Variants in RIMBP2 observed in about 807,000 individuals in gnomAD.
RIMBP2 encodes the protein RIMS-binding protein 2.
A neutral mutation model predicts 118.6 loss-of-function variants in RIMBP2; 48 were observed. That is an observed-to-expected ratio of 0.40 (90% CI 0.32 to 0.51). RIMBP2 has a LOEUF of 0.51. Among genes scored for constraint, RIMBP2 ranks in the 20% least tolerant of loss-of-function variants. The pLI, the probability that RIMBP2 is intolerant of heterozygous loss-of-function variation, is 0.41. For missense variants in RIMBP2, 1,551 were observed against 1,768.3 expected (o/e 0.88, Z 2.20); for synonymous variants, 762 against 742.9 (o/e 1.03, Z -0.42).
At position 130,424,136 on chromosome 12, in the gene RIMBP2, A is replaced by G. The variant is rs1291397344; in HGVS notation, c.3129+6T>C. Reference sequence around the variant, plus strand: ...CGGCTGTGAAAAGGAAGTTTAGGTCACACACCAGGGGGCCTTGTGCGACTC... The same window carrying G: ...CGGCTGTGAAAAGGAAGTTTAGGTCGCACACCAGGGGGCCTTGTGCGACTC... On this transcript the variant is annotated splice_donor_region_variant and intron_variant, in intron 16 of 22. Transcript: ENST00000690449. The surrounding 1 kb of genome is among the most constrained non-coding windows in gnomAD (Gnocchi z 9.8). 1.6e-5 allele frequency: 20 copies of G among 1,224,476 alleles called. No homozygotes were observed. Among genetic ancestry groups the G allele is most frequent in the Non-Finnish European group, 2.0e-5 (20 of 980,920 alleles). 75.9% of individuals were successfully genotyped at this position (1,224,476 alleles called of 1,614,324 possible). A position where few individuals can be genotyped will look rare whatever the true frequency, so the allele number is the denominator to read the frequency against.
At chr12:130,556,595 A>T (rs2056378338) in intron 2 of RIMBP2, among the ~76,000 whole-genome samples, 1 of 152,250 alleles carries the variant, frequency 6.6e-6, no homozygotes, top group Non-Finnish European at 1.5e-5. Context: ...CCACATGGGG[A>T]GACCCAGGCC....
At chr12:130,509,663 C>A (rs1248679044) in intron 3 of RIMBP2, among the ~76,000 whole-genome samples, 1 of 152,124 alleles carries the variant, frequency 6.6e-6, no homozygotes, top group Admixed American at 6.5e-5. Context: ...GTGGCCATGG[C>A]CCCCGGCCTC....
intron 3 of RIMBP2, among the ~76,000 whole-genome samples, chr12:130,510,706 T>A (rs1321894043): frequency 1.3e-5 from 2 of 152,220 alleles, no homozygotes; most frequent in African/African-American, 4.8e-5. Context: ...TGACCTCAAG[T>A]GATCTGCCCA....
intron 1 of RIMBP2, among the ~76,000 whole-genome samples, chr12:130,664,639 G>A (rs1038133329): frequency 6.6e-6 from 1 of 151,588 alleles, no homozygotes; most frequent in Non-Finnish European, 1.5e-5. Context: ...TAACTCTACA[G>A]CTATGTCAGA....
At chr12:130,646,635 G>T (rs976725201) in intron 1 of RIMBP2, among the ~76,000 whole-genome samples, 5 of 152,194 alleles carry the variant, frequency 3.3e-5, no homozygotes, top group African/African-American at 1.2e-4. Flanking sequence ...GAGGTATAGG[G>T]AGCTTCAAAT....
At chr12:130,569,507 G>A (rs189903257) in intron 2 of RIMBP2, among the ~76,000 whole-genome samples, 2 of 152,180 alleles carry the variant, frequency 1.3e-5, no homozygotes, top group Non-Finnish European at 2.9e-5. Context: ...ACTGACATGC[G>A]CTATGGTTTG....
chr12:130,457,658 A>G (rs113166077), intron 6 of RIMBP2, among the ~76,000 whole-genome samples: 7 of 152,320 alleles, frequency 4.6e-5, no homozygotes, highest in African/African-American at 1.7e-4. Flanking sequence ...CCGGCACTGC[A>G]GTAGCTCCTG....
At chr12:130,479,199 C>T (rs1006629169) in intron 4 of RIMBP2, among the ~76,000 whole-genome samples, 183 bp from the exon 5 acceptor site, 1 of 152,236 alleles carries the variant, frequency 6.6e-6, no homozygotes, top group African/African-American at 2.4e-5. Flanking sequence ...ACTCCCAATG[C>T]GGGAGCTATG....
intron 1 of RIMBP2, chr12:130,651,386 A>C (rs1169427894): frequency 6.6e-6 from 1 of 152,260 alleles, no homozygotes; most frequent in Admixed American, 6.5e-5. Flanking sequence ...GGCTGTCAAC[A>C]TCTCGGAGTT....
intron 4 of RIMBP2, 77 bp from the exon 5 acceptor site, chr12:130,479,093 C>G: frequency 8.4e-7 from 1 of 1,187,792 alleles, no homozygotes; most frequent in South Asian, 1.5e-5. Context: ...CTGCACCAAG[C>G]TGGCTCTGAC....
chr12:130,613,358 C>T (rs1201330397), intron 2 of RIMBP2, among the ~76,000 whole-genome samples: 5 of 152,160 alleles, frequency 3.3e-5, no homozygotes, highest in Admixed American at 1.3e-4. Flanking sequence ...GCGACCTCAT[C>T]GGCCAAGCCA....
chr12:130,686,347 C>T (rs1189252383), intron 1 of RIMBP2, among the ~76,000 whole-genome samples: 1 of 152,180 alleles, frequency 6.6e-6, no homozygotes, highest in East Asian at 1.9e-4. Flanking sequence ...CAGCACAGAC[C>T]CCGCGCCCCC....
At chr12:130,644,788 C>T (rs576650387) in intron 1 of RIMBP2, among the ~76,000 whole-genome samples, 10 of 152,336 alleles carry the variant, frequency 6.6e-5, no homozygotes, top group South Asian at 4.1e-4. Context: ...AATCATCCTC[C>T]GGCCTGAGAA....
intron 2 of RIMBP2, among the ~76,000 whole-genome samples, chr12:130,563,068 ACG>A (rs956772946): frequency 8.5e-5 from 13 of 152,356 alleles, no homozygotes; most frequent in African/African-American, 3.1e-4. Context: ...AAACGCATTC[ACG>A]CTGCATAAAA....
At chr12:130,399,582 T>C (rs938855041) in intron 22 of RIMBP2, 97 bp downstream of exon 22, 59 of 1,426,016 alleles carry the variant, frequency 4.1e-5, no homozygotes, top group Non-Finnish European at 5.2e-5. Context: ...ATTTACGCTT[T>C]TCGGCCCAAG....
intron 4 of RIMBP2, among the ~76,000 whole-genome samples, chr12:130,489,014 C>T (rs979293495): frequency 2.0e-5 from 3 of 152,202 alleles, no homozygotes; most frequent in Admixed American, 6.5e-5. Flanking sequence ...ACAGAATTCA[C>T]GGCTAGCATG....
intron 1 of RIMBP2, among the ~76,000 whole-genome samples, chr12:130,634,882 A>T (rs2062250763): frequency 6.6e-6 from 1 of 152,282 alleles, no homozygotes; most frequent in Admixed American, 6.5e-5. Context: ...TACAGGCCTG[A>T]GCCACCACAC....
rs756510070 is a variant in RIMBP2, at chr12:130,669,744, G to A, written c.-351-41288C>T. On this transcript the variant is annotated intron_variant, in intron 1 of 22. Coordinates refer to ENST00000690449, the MANE Select transcript of RIMBP2 (RefSeq NM_001393629.1). ...ACGGACGAACACACTAGGAATGCAGGAGCTCTTTCCTAGTGCCTGTGGTCA... is the reference window on the plus strand; with the variant it reads ...ACGGACGAACACACTAGGAATGCAGAAGCTCTTTCCTAGTGCCTGTGGTCA... 5.7e-4 allele frequency among the ~76,000 whole-genome samples: 86 copies of A among 152,130 alleles called. 1 individual carries two copies. The highest frequency in any genetic ancestry group is 4.4e-5 in the Non-Finnish European group (3 of 68,024).
chr12:130,463,371 C>T lies in RIMBP2; in HGVS notation c.154-6671G>A, dbSNP rs567881743. ...TGCTCAGAAGCAACTGAGTCCGGAC[C>T]AGGCAGGAACAGATGGCAGAGTCAT... On this transcript the variant is annotated intron_variant, in intron 6 of 22. Transcript: ENST00000690449. Among the ~76,000 whole-genome samples the T allele has an allele frequency of 1.2e-4, 18 of 152,276 alleles. 1 individual carries two copies. In the South Asian group the frequency reaches 3.5e-3, roughly 30 times the overall value.
Sources: gnomAD v4.1 joint callset for allele counts (sites outside exome capture counted in the v4.1 genomes callset) on GRCh38, gnomAD v4.1.1 for gene constraint, Gnocchi (gnomAD v3.1) non-coding constraint, MANE v1.5 for transcripts, NCBI Gene and HGNC (gene_info 2026-07-23, HGNC 2026-07-21) for gene names.